Variants in TSNARE1 observed in about 807,000 individuals in gnomAD.
TSNARE1 encodes t-SNARE domain-containing protein 1.
Under a neutral mutation model 62.0 loss-of-function variants are expected in TSNARE1, and 49 were observed. The ratio of observed to expected loss-of-function variants is 0.79; its 90% CI spans 0.63 to 1.00. The LOEUF (loss-of-function observed/expected upper bound fraction) is 1.00. Among genes scored for constraint, TSNARE1 ranks in the 50% least tolerant of loss-of-function variants. TSNARE1 has a pLI of 0.00. For synonymous variants in TSNARE1, 328 were observed against 294.4 expected, an observed-to-expected ratio of 1.11 and a Z score of -1.17; for missense variants, 755 against 700.1, an observed-to-expected ratio of 1.08 and a Z score of -0.88.
intron 1 of TSNARE1, among the ~76,000 whole-genome samples, chr8:142,365,602 G>GCGCACACACACACACACACA (rs149020570): frequency 6.9e-6 from 1 of 144,404 alleles, no homozygotes; most frequent in East Asian, 2.1e-4. Context: ...ACATGCACAC[G>GCGCACACACACACACACACA]CACACACACA....
rs747606106 is a variant in TSNARE1, at chr8:142,318,531, C to T, written c.984+13G>A. The T allele has an allele frequency of 6.2e-7, 1 of 1,611,184 alleles. No individual in the cohort carries two copies. The highest frequency in any genetic ancestry group is 1.1e-5 in the South Asian group (1 of 91,064). On this transcript the variant is annotated intron_variant, in intron 7 of 13. Transcript: ENST00000524325. ...CCTCTCCTCCCTCCCAGCCCCAGAC[C>T]CCAGGAACATACCGGGCAGGAGCTG...
At chr8:142,214,990 C>T (rs1310848040) in intron 13 of TSNARE1, among the ~76,000 whole-genome samples, 10 of 152,214 alleles carry the variant, frequency 6.6e-5, no homozygotes, top group Admixed American at 4.6e-4. Flanking sequence ...CCTCCCCCAG[C>T]GCTTCCCACC....
At chr8:142,301,567 A>T (rs1825785454) in intron 9 of TSNARE1, among the ~76,000 whole-genome samples, 1 of 151,884 alleles carries the variant, frequency 6.6e-6, no homozygotes, top group Non-Finnish European at 1.5e-5. Flanking sequence ...TGCCCATGCC[A>T]GCGGGCCTTC....
chr8:142,252,317 C>T (rs1278542335), intron 12 of TSNARE1, among the ~76,000 whole-genome samples: 3 of 152,128 alleles, frequency 2.0e-5, no homozygotes, highest in East Asian at 3.9e-4. Flanking sequence ...AAGGGCCGGG[C>T]CCCCCCGGTA....
At chr8:142,275,461 T>C (rs1820311791) in intron 11 of TSNARE1, 4 of 985,202 alleles carry the variant, frequency 4.1e-6, no homozygotes, top group Non-Finnish European at 3.6e-6. Context: ...GGAAGCCACA[T>C]CAGCAGGGCC....
At chr8:142,393,082 T>C (rs1481271181) in intron 1 of TSNARE1, among the ~76,000 whole-genome samples, 1 of 152,024 alleles carries the variant, frequency 6.6e-6, no homozygotes. Flanking sequence ...ACCTAAACTA[T>C]TCAAAATAGT....
intron 1 of TSNARE1, among the ~76,000 whole-genome samples, chr8:142,390,881 CTGGGGACTCTG>C (rs1837463889): frequency 2.1e-5 from 2 of 96,600 alleles, no homozygotes; most frequent in African/African-American, 9.2e-5. Context: ...CTGTACACTG[CTGGGGACTCTG>C]TAACAGACGC....
At chr8:142,288,912 T>C (rs1316315737) in intron 10 of TSNARE1, among the ~76,000 whole-genome samples, 1 of 152,274 alleles carries the variant, frequency 6.6e-6, no homozygotes, top group Non-Finnish European at 1.5e-5. Flanking sequence ...CATGGGCTCA[T>C]GCGTCCCAGC....
chr8:142,233,020 A>G (rs1405604466), intron 12 of TSNARE1, among the ~76,000 whole-genome samples: 1 of 152,148 alleles, frequency 6.6e-6, no homozygotes, highest in Non-Finnish European at 1.5e-5. Context: ...AGGCACCCAG[A>G]CAGCCACCCT....
At chr8:142,213,733 G>T (rs1815688551) in intron 13 of TSNARE1, among the ~76,000 whole-genome samples, 1 of 152,202 alleles carries the variant, frequency 6.6e-6, no homozygotes, top group African/African-American at 2.4e-5. Flanking sequence ...GAGGCGAGGG[G>T]AGGGTGAGGC....
intron 10 of TSNARE1, among the ~76,000 whole-genome samples, chr8:142,285,104 CGTGAATAG>C (rs1464190623): frequency 6.6e-6 from 1 of 151,678 alleles, no homozygotes; most frequent in South Asian, 2.1e-4. Flanking sequence ...TGGACAGATG[CGTGAATAG>C]GTGGGTGGAC....
At chr8:142,244,616 T>A (rs1386203332) in intron 12 of TSNARE1, among the ~76,000 whole-genome samples, 1 of 152,178 alleles carries the variant, frequency 6.6e-6, no homozygotes, top group Non-Finnish European at 1.5e-5. Flanking sequence ...ACAAGGTGAT[T>A]CTAAAATACG....
intron 13 of TSNARE1, among the ~76,000 whole-genome samples, chr8:142,217,297 G>T (rs969923833): frequency 8.5e-5 from 5 of 58,718 alleles, no homozygotes; most frequent in African/African-American, 2.3e-4. Flanking sequence ...AAGAAAGAAA[G>T]AAAGAAAAAG....
At chr8:142,337,154 T>A (rs1039852632) in intron 4 of TSNARE1, among the ~76,000 whole-genome samples, 1 of 152,166 alleles carries the variant, frequency 6.6e-6, no homozygotes, top group Non-Finnish European at 1.5e-5. Context: ...TAGAGAAAAC[T>A]AATGATATCA....
chr8:142,282,228 G>A (rs1043621710), intron 11 of TSNARE1, among the ~76,000 whole-genome samples: 67 of 152,250 alleles, frequency 4.4e-4, no homozygotes, highest in African/African-American at 1.5e-3. Context: ...CCCCCAGCAC[G>A]GGTACATCCA....
chr8:142,349,969 A>G (rs1833874625), intron 2 of TSNARE1, among the ~76,000 whole-genome samples: 1 of 138,526 alleles, frequency 7.2e-6, no homozygotes, highest in Non-Finnish European at 1.6e-5. Flanking sequence ...CAGGGCAGGC[A>G]GGGCAGGCAA....
rs376163682 is a variant in TSNARE1, at chr8:142,373,992, T to C, written c.-39-19229A>G. Among the ~76,000 whole-genome samples, 34 of 151,992 alleles carry C rather than the reference T, an allele frequency of 2.2e-4. No homozygotes were observed. The East Asian group carries it at 4.3e-3, about 19-fold the overall frequency. Reference sequence around the variant, plus strand: ...AGGGGAAGTCTCCAGGAGGCGTCAGTGAGGAAAAAAATTAAAAGACTAAAG... The same window carrying C: ...AGGGGAAGTCTCCAGGAGGCGTCAGCGAGGAAAAAAATTAAAAGACTAAAG... On this transcript the variant is annotated intron_variant, in intron 1 of 13. Coordinates refer to ENST00000524325, the MANE Select transcript of TSNARE1 (RefSeq NM_145003.5).
intron 6 of TSNARE1, among the ~76,000 whole-genome samples, chr8:142,321,665 A>C (rs981396280): frequency 1.2e-4 from 19 of 152,324 alleles, no homozygotes; most frequent in Admixed American, 1.1e-3. Flanking sequence ...AACATTACGG[A>C]AACACAAATC....
intron 1 of TSNARE1, among the ~76,000 whole-genome samples, chr8:142,384,321 C>G (rs1479355396): frequency 6.6e-6 from 1 of 152,160 alleles, no homozygotes; most frequent in Non-Finnish European, 1.5e-5. Flanking sequence ...TTACAAGAAG[C>G]TGGCCCAGAA....
Sources: gnomAD v4.1 joint callset for allele counts (sites outside exome capture counted in the v4.1 genomes callset) on GRCh38, gnomAD v4.1.1 for gene constraint, MANE v1.5 for transcripts, NCBI Gene and HGNC (gene_info 2026-07-23, HGNC 2026-07-21) for gene names.